Variants in TGM6 observed in about 807,000 individuals in gnomAD.
The protein encoded by TGM6 is protein-glutamine gamma-glutamyltransferase 6.
A neutral mutation model predicts 77.5 loss-of-function variants in TGM6; 74 were observed. That is an observed-to-expected ratio of 0.96 (90% CI 0.79 to 1.16). The LOEUF (loss-of-function observed/expected upper bound fraction) is 1.16, where lower values mean the gene tolerates loss of function less well. Among genes scored for constraint, TGM6 ranks in the 50% most tolerant of loss-of-function variants. TGM6 has a pLI of 0.00. For missense variants in TGM6, 968 were observed against 940.2 expected, an observed-to-expected ratio of 1.03 and a Z score of -0.39; for synonymous variants, 383 against 378.9, an observed-to-expected ratio of 1.01 and a Z score of -0.12.
intron 7 of TGM6, among the ~76,000 whole-genome samples, chr20:2,400,779 T>C (rs1404095188): frequency 6.6e-6 from 1 of 152,166 alleles, no homozygotes; most frequent in Non-Finnish European, 1.5e-5. Context: ...TGGATCAGGC[T>C]CCTGCTTCCG....
chr20:2,402,360 C>A (rs1429436748), intron 7 of TGM6, among the ~76,000 whole-genome samples: 5 of 152,120 alleles, frequency 3.3e-5, no homozygotes, highest in Non-Finnish European at 7.4e-5. Flanking sequence ...TGCCAGGAGC[C>A]CTTCCCGAGC....
At chr20:2,425,653 T>C (rs1443173002) in intron 10 of TGM6, among the ~76,000 whole-genome samples, 2 of 152,190 alleles carry the variant, frequency 1.3e-5, no homozygotes, top group African/African-American at 4.8e-5. Flanking sequence ...AATTGTACAA[T>C]TGTACTGACT....
At chr20:2,414,061 AT>A (rs1448763319) in intron 9 of TGM6, among the ~76,000 whole-genome samples, 1 of 152,148 alleles carries the variant, frequency 6.6e-6, no homozygotes, top group Non-Finnish European at 1.5e-5. Flanking sequence ...TAAAAAAAAA[AT>A]AATTTTTTTT....
chr20:2,431,079 A>C, intron 12 of TGM6, 52 bp downstream of exon 12: 4 of 1,574,008 alleles, frequency 2.5e-6, no homozygotes, highest in Non-Finnish European at 2.6e-6. Flanking sequence ...TTCCTTGTGG[A>C]TGAGCCAGAG....
At chr20:2,393,337 G>A (rs186461576) in intron 1 of TGM6, among the ~76,000 whole-genome samples, 86 of 151,736 alleles carry the variant, frequency 5.7e-4, no homozygotes, top group African/African-American at 2.0e-3. Flanking sequence ...TTGCATTTTT[G>A]TGCTTTTTTT....
chr20:2,385,493 A>G (rs1723969809), intron 1 of TGM6, among the ~76,000 whole-genome samples: 1 of 152,198 alleles, frequency 6.6e-6, no homozygotes, highest in Admixed American at 6.5e-5. Context: ...GGGTCATTTT[A>G]CAGAGAAGAA....
Position 2,397,975 on chromosome 20 carries a change from C to G in TGM6, c.601C>G (p.Gln201Glu). Residue 201 changes from glutamine (Q) to glutamate (E), a missense_variant, in exon 5 of 13, where the codon CAA (glutamine) becomes GAA (glutamate). By Grantham distance (29) the Gln-to-Glu change is conservative. Coordinates refer to ENST00000202625, the MANE Select transcript of TGM6 (RefSeq NM_198994.3). ...CATCCTGGATCGAAGCCCCGGTCAC[C>G]AAAACAACCCAGCCACCGACGTGTC... Reference protein sequence around the residue: ...LSILDRSPGHQNNPATDVSCR... With the variant: ...LSILDRSPGHENNPATDVSCR... 6.2e-7 allele frequency: 1 copy of G among 1,614,092 alleles called. No individual in the cohort carries two copies. The highest frequency in any genetic ancestry group is 8.5e-7 in the Non-Finnish European group (1 of 1,180,026).
At chr20:2,413,784 A>G (rs142806937) in intron 9 of TGM6, among the ~76,000 whole-genome samples, 88 of 152,316 alleles carry the variant, frequency 5.8e-4, no homozygotes, top group African/African-American at 2.0e-3. Flanking sequence ...GAGAGCTAAA[A>G]CTATAAAACT....
chr20:2,422,139 T>A (rs541684791), intron 10 of TGM6, among the ~76,000 whole-genome samples: 26 of 152,080 alleles, frequency 1.7e-4, no homozygotes, highest in East Asian at 3.9e-4. Flanking sequence ...CTCAAAAAAA[T>A]ATATATATAT....
At chr20:2,389,091 C>T (rs987876242) in intron 1 of TGM6, among the ~76,000 whole-genome samples, 4 of 152,122 alleles carry the variant, frequency 2.6e-5, no homozygotes, top group Admixed American at 1.3e-4. Flanking sequence ...TAGGATAAGG[C>T]GGAGGTGACA....
intron 10 of TGM6, among the ~76,000 whole-genome samples, chr20:2,427,474 TC>T (rs2084895385): frequency 1.3e-5 from 2 of 152,178 alleles, no homozygotes; most frequent in South Asian, 4.1e-4. Flanking sequence ...ACTTTACTGA[TC>T]TTTTCAAAGA....
At chr20:2,394,690 A>T in intron 2 of TGM6, 65 bp downstream of exon 2, 1 of 1,502,784 alleles carries the variant, frequency 6.7e-7, no homozygotes, top group South Asian at 1.2e-5. Flanking sequence ...ATGACTCAGT[A>T]ACATAAGACC....
In TGM6 at chr20:2,394,564, C is replaced by T; in HGVS notation, c.120C>T (p.Leu40=). ...LVVRRGQSFS[L]TLELSRALDC... ...TTCGCAGGGGCCAGTCGTTCAGCCT[C>T]ACGCTGGAGCTGAGCAGAGCCCTGG... is the stretch of plus-strand genomic sequence containing the variant. The change falls in exon 2 of 13, where the codon CTC becomes CTT. Residue 40 remains leucine, a synonymous_variant. Coordinates refer to ENST00000202625, the MANE Select transcript of TGM6 (RefSeq NM_198994.3). The T allele has an allele frequency of 2.5e-6, 4 of 1,612,342 alleles. No individual in the cohort carries two copies. In the East Asian group the frequency reaches 8.9e-5, roughly 36 times the overall value.
rs1568660794 is a variant in TGM6, at chr20:2,403,481, C to T, written c.1074C>T (p.Thr358=). The T allele has an allele frequency of 4.3e-6, 7 of 1,614,116 alleles. No individual in the cohort carries two copies. Among genetic ancestry groups the T allele is most frequent in the Admixed American group, 1.7e-5 (1 of 60,024 alleles). The change falls in exon 8 of 13, where the codon ACC becomes ACT. Residue 358 remains threonine, a synonymous_variant. Coordinates refer to ENST00000202625, the MANE Select transcript of TGM6 (RefSeq NM_198994.3). ...ATGGCTGGCAGGTTCTGGATGCCAC[C>T]CCCCAGGAGGAGAGTGAAGGTACGC... ...SYNGWQVLDA[T]PQEESEGVFR... is the part of the protein sequence containing the mutation.
intron 4 of TGM6, among the ~76,000 whole-genome samples, 168 bp from the exon 5 acceptor site, chr20:2,397,750 G>A (rs2084678486): frequency 1.3e-5 from 2 of 152,164 alleles, no homozygotes; most frequent in Admixed American, 6.5e-5. Flanking sequence ...GTGACTCTTT[G>A]AGGAAGGGTT....
Position 2,400,440 on chromosome 20 carries a change from A to G in TGM6, c.985A>G (p.Met329Val), listed in dbSNP as rs746012953. Residue 329 changes from methionine (M) to valine (V), a missense_variant, in exon 7 of 13, where the codon ATG (methionine) becomes GTG (valine). By Grantham distance (21) the Met-to-Val change is conservative. Coordinates refer to ENST00000202625, the MANE Select transcript of TGM6 (RefSeq NM_198994.3). ...RTLEDLTEDS[M>V]WNFHVWNESW... The stretch of plus-strand genomic sequence containing the variant: ...CCTGGAGGACCTGACAGAAGACAGC[A>G]TGTGGTGGGTCCTGCCCCCAGCCTA... The G allele has an allele frequency of 6.2e-7, 1 of 1,614,142 alleles. No individual in the cohort carries two copies. The highest frequency in any genetic ancestry group is 1.7e-5 in the Admixed American group (1 of 60,016).
At chr20:2,382,680 C>T (rs79861782) in intron 1 of TGM6, among the ~76,000 whole-genome samples, 2,028 of 152,314 alleles carry the variant, frequency 0.013, 45 homozygotes, top group African/African-American at 0.046. Context: ...TTCCTCAGAG[C>T]AGTAGGTCCT....
Position 2,396,594 on chromosome 20 carries a change from C to A in TGM6, c.513C>A (p.His171Gln). Residue 171 changes from histidine to glutamine, a missense_variant, in exon 4 of 13, where the codon CAC becomes CAA. Coordinates refer to ENST00000202625, the MANE Select transcript of TGM6 (RefSeq NM_198994.3). ...SGIIFRGVEK[H>Q]IRAQGWNYGQ... ...TCATCTTCCGAGGCGTGGAGAAGCA[C>A]ATACGAGCCCAGGGCTGGAACTACG... is the stretch of plus-strand genomic sequence containing the variant. 1 of 1,614,204 alleles carries A rather than the reference C, an allele frequency of 6.2e-7. No homozygotes were observed. Among genetic ancestry groups the A allele is most frequent in the Non-Finnish European group, 8.5e-7 (1 of 1,180,030 alleles).
Position 2,403,682 on chromosome 20 carries a change from T to G in TGM6, c.1195T>G (p.Tyr399Asp), listed in dbSNP as rs201204911. The G allele has an allele frequency of 2.8e-5, 46 of 1,614,084 alleles. No individual in the cohort carries two copies. Among genetic ancestry groups the G allele is most frequent in the Middle Eastern group, 3.3e-4 (2 of 6,084 alleles). Residue 399 changes from tyrosine (Y) to aspartate (D), a missense_variant, in exon 9 of 13, where the codon TAC becomes GAC. Coordinates refer to ENST00000202625, the MANE Select transcript of TGM6 (RefSeq NM_198994.3). The stretch of plus-strand genomic sequence containing the variant: ...CGTGTTTGCGGAGGTCAACGCCGAC[T>G]ACATCACCTGGCTGTGGCACGAGGA... ...PFVFAEVNAD[Y>D]ITWLWHEDES...
Sources: gnomAD v4.1 joint callset for allele counts (sites outside exome capture counted in the v4.1 genomes callset) on GRCh38, gnomAD v4.1.1 for gene constraint, MANE v1.5 for transcripts, NCBI Gene and HGNC (gene_info 2026-07-23, HGNC 2026-07-21) for gene names.